The following SP140 variants were observed in gnomAD, a reference collection of about 807,000 sequenced individuals.
The protein encoded by SP140 is nuclear body protein SP140.
Under a neutral mutation model 125.0 loss-of-function variants are expected in SP140, and 81 were observed. The observed-to-expected ratio is 0.65, with a 90% CI of 0.54 to 0.78. SP140 has a LOEUF of 0.78. SP140 is among the 30% of genes least tolerant of loss of function. SP140 has a pLI of 0.00. For synonymous variants in SP140, 312 were observed against 354.0 expected (o/e 0.88, Z 1.33); for missense variants, 858 against 1,037.0 (o/e 0.83, Z 2.37).
chr2:230,199,935 C>A (rs2043056392), upstream of SP140, among the ~76,000 whole-genome samples: 1 of 152,118 alleles, frequency 6.6e-6, no homozygotes, highest in South Asian at 2.1e-4. Flanking sequence ...TGGCAGCCAG[C>A]CCTTACCCAG....
At chr2:230,241,354 C>T (rs1559234287) in intron 3 of SP140, 50 bp from the exon 4 acceptor site, 1 of 1,161,120 alleles carries the variant, frequency 8.6e-7, no homozygotes, top group Admixed American at 1.7e-5. Flanking sequence ...ACTGAGGTCT[C>T]TCCTCTGGTC....
chr2:230,307,953 A>ATG (rs1336547334), intron 22 of SP140, among the ~76,000 whole-genome samples: 138 of 74,128 alleles, frequency 1.9e-3, no homozygotes, highest in Non-Finnish European at 2.4e-3. Flanking sequence ...TTGGACATGC[A>ATG]TGTATATATA....
In SP140 at chr2:230,312,741, G is replaced by A; in HGVS notation, c.*57G>A. The stretch of plus-strand genomic sequence containing the variant: ...AATGGCACCCTAAAATATGCCGCTG[G>A]TTTGCCACTGACTTCAAAATGAGGT... On this transcript the variant is annotated 3_prime_UTR_variant, in exon 27 of 27. Coordinates refer to ENST00000392045, the MANE Select transcript of SP140 (RefSeq NM_007237.5). 2 of 1,310,982 alleles carry A rather than the reference G, an allele frequency of 1.5e-6. No individual in the cohort carries two copies. Among genetic ancestry groups the A allele is most frequent in the African/African-American group, 1.5e-5 (1 of 68,762 alleles). The allele number at this position is 1,310,982 out of a possible 1,614,324, so 81.2% of individuals were successfully genotyped here. A position where few individuals can be genotyped will look rare whatever the true frequency, so the allele number is the denominator to read the frequency against.
upstream of SP140, chr2:230,225,520 A>T (rs116521655): frequency 4.2e-3 from 1,703 of 408,562 alleles, 19 homozygotes; most frequent in African/African-American, 0.031. Context: ...CTTCCTCCTC[A>T]TGATGCCACC....
At position 230,237,103 on chromosome 2, in the gene SP140, A is replaced by T; in HGVS notation, c.80A>T (p.Asn27Ile). The T allele has an allele frequency of 6.3e-7, 1 of 1,597,356 alleles. No homozygotes were observed. The highest frequency in any genetic ancestry group is 8.5e-7 in the Non-Finnish European group (1 of 1,174,680). ...CTTAGGATGGTCGCAGAGATCCAGAACGTAGAGGGTCAGAACCTGCAGGAG... is the reference window on the plus strand; with the variant it reads ...CTTAGGATGGTCGCAGAGATCCAGATCGTAGAGGGTCAGAACCTGCAGGAG... ...LNFRMVAEIQ[N>I]VEGQNLQEQV... The change falls in exon 2 of 27, where the codon AAC becomes ATC. Residue 27 changes from asparagine to isoleucine, a missense_variant. By Grantham distance (149) the Asn-to-Ile change is moderately radical. Transcript: ENST00000392045. The surrounding 1 kb of genome is among the most constrained non-coding windows in gnomAD (Gnocchi z 5.4).
intron 22 of SP140, among the ~76,000 whole-genome samples, chr2:230,309,008 G>T (rs1488354896): frequency 6.6e-6 from 1 of 152,112 alleles, no homozygotes; most frequent in African/African-American, 2.4e-5. Context: ...TATAAATTCT[G>T]TTGGTTTTTA....
chr2:230,211,380 G>C lies in SP140; in HGVS notation c.-322-2274G>C. ...CCAAGATTGCTGAGAGGCAGGAGGA[G>C]AGCCCCCTCTCTAGAAGATCCGAAT... is the stretch of plus-strand genomic sequence containing the variant. On this transcript the variant is annotated intron_variant, in intron 1 of 4. Coordinates refer to the SP140 transcript ENST00000456542. The surrounding 1 kb of genome is among the most constrained non-coding windows in gnomAD (Gnocchi z 4.2). The C allele has an allele frequency of 1.2e-6, 1 of 854,162 alleles. No individual in the cohort carries two copies. The highest frequency in any genetic ancestry group is 1.7e-5 in the Admixed American group (1 of 57,832). 52.9% of individuals were successfully genotyped at this position (854,162 alleles called of 1,614,324 possible).
intron 1 of SP140, among the ~76,000 whole-genome samples, chr2:230,228,588 A>G (rs914892262): frequency 5.9e-5 from 9 of 152,208 alleles, no homozygotes; most frequent in Non-Finnish European, 4.4e-5. Flanking sequence ...TTGCATACAC[A>G]TTAAGGATTG....
chr2:230,210,445 G>A (rs1239174164), intron 1 of SP140, among the ~76,000 whole-genome samples: 1 of 152,234 alleles, frequency 6.6e-6, no homozygotes, highest in Non-Finnish European at 1.5e-5. Flanking sequence ...GAAGGGGAAT[G>A]TCTTTGCTGT....
chr2:230,269,589 C>A lies in SP140; in HGVS notation c.1298C>A (p.Ala433Asp). Residue 433 changes from alanine (A) to aspartate (D), a missense_variant, in exon 13 of 27, where the codon GCT (alanine) becomes GAT (aspartate). Around this residue, in one of 4 missense-constraint regions of SP140, gnomAD observed 791 missense variants for 869.5 expected, o/e 0.91. Transcript: ENST00000392045. ...MNEEGESEEL[A>D]SSLLYDNVPG... Reference sequence around the variant, plus strand: ...GAAGAAGGAGAATCAGAAGAGCTTGCTTCTAGCCTGCTATATGATAATGTA... The same window carrying A: ...GAAGAAGGAGAATCAGAAGAGCTTGATTCTAGCCTGCTATATGATAATGTA... The A allele has an allele frequency of 6.3e-7, 1 of 1,597,544 alleles. No individual in the cohort carries two copies. Among genetic ancestry groups the A allele is most frequent in the South Asian group, 1.1e-5 (1 of 89,248 alleles).
upstream of SP140, among the ~76,000 whole-genome samples, chr2:230,199,128 C>T (rs1232599865): frequency 2.1e-5 from 3 of 140,288 alleles, no homozygotes; most frequent in South Asian, 2.2e-4. Context: ...GCTTTAGCTA[C>T]TATTATTATT....
At chr2:230,223,991 A>G (rs1047849591), upstream of SP140, among the ~76,000 whole-genome samples, 1 of 152,212 alleles carries the variant, frequency 6.6e-6, no homozygotes, top group Non-Finnish European at 1.5e-5. Flanking sequence ...AGATGGTCTG[A>G]TGGTCCTACA....
At chr2:230,221,661 A>G, upstream of SP140, 5 of 1,526,068 alleles carry the variant, frequency 3.3e-6, no homozygotes, top group Non-Finnish European at 4.4e-6. Flanking sequence ...TGGCGGTGGT[A>G]AAGGAATTAA....
At chr2:230,194,900 G>A in the SP140 span, among the ~76,000 whole-genome samples, 1 of 152,176 alleles carries the variant, frequency 6.6e-6, no homozygotes, top group African/African-American at 2.4e-5. Flanking sequence ...TTGTTGGGGA[G>A]TCTACTGATG....
At chr2:230,236,011 G>A in intron 1 of SP140, among the ~76,000 whole-genome samples, 1 of 151,728 alleles carries the variant, frequency 6.6e-6, no homozygotes, top group Admixed American at 6.6e-5. Flanking sequence ...CGAGTAGCTG[G>A]GACTACAGGC....
chr2:230,204,198 G>A (rs1005796330), intron 1 of SP140, among the ~76,000 whole-genome samples: 1 of 152,196 alleles, frequency 6.6e-6, no homozygotes, highest in African/African-American at 2.4e-5. Context: ...ATGTCAAAAG[G>A]TCAGAGTTAC....
chr2:230,196,345 G>GT, the SP140 span, among the ~76,000 whole-genome samples: 1 of 152,034 alleles, frequency 6.6e-6, no homozygotes, highest in Non-Finnish European at 1.5e-5. Flanking sequence ...TGAATCATAC[G>GT]TAACGTGCCA....
intron 1 of SP140, chr2:230,207,878 C>G: frequency 1.4e-6 from 1 of 690,012 alleles, no homozygotes; most frequent in Non-Finnish European, 2.6e-6. Context: ...GACTAAATCT[C>G]TTCAATGGCT....
chr2:230,244,566 C>T (rs945381733), intron 5 of SP140, among the ~76,000 whole-genome samples: 8 of 151,992 alleles, frequency 5.3e-5, no homozygotes, highest in African/African-American at 1.9e-4. Context: ...TTTCCATGGC[C>T]AGAGCAGGGA....
Sources: allele counts gnomAD v4.1 joint callset (sites outside exome capture counted in the v4.1 genomes callset), GRCh38; gene constraint gnomAD v4.1.1; regional missense constraint gnomAD v4.1.1; non-coding constraint Gnocchi (gnomAD v3.1); transcripts MANE v1.5; gene names NCBI Gene and HGNC (gene_info 2026-07-23, HGNC 2026-07-21).